Variants in SLC26A7 observed in about 807,000 individuals in gnomAD.
SLC26A7 encodes solute carrier family 26 member 7.
SLC26A7 carries 59 observed loss-of-function variants against 82.5 expected under a neutral mutation model. The observed-to-expected ratio is 0.72, with a 90% confidence interval of 0.58 to 0.89. The LOEUF is 0.89. SLC26A7 is among the 40% of genes least tolerant of loss of function. The probability of loss-of-function intolerance (pLI) is 0.00; values close to 1 mark genes in which losing one functional copy is unlikely to be tolerated. For synonymous variants in SLC26A7, 271 were observed against 274.3 expected (o/e 0.99, Z 0.12); for missense variants, 820 against 793.0 (o/e 1.03, Z -0.41).
chr8:91,225,290 C>G (rs1277215898), intron 2 of SLC26A7, among the ~76,000 whole-genome samples: 1 of 152,150 alleles, frequency 6.6e-6, no homozygotes, highest in Non-Finnish European at 1.5e-5. Context: ...GATGCTAGAT[C>G]CCAGTGGCAT....
intron 2 of SLC26A7, among the ~76,000 whole-genome samples, chr8:91,267,639 T>C (rs985858969): frequency 6.6e-6 from 1 of 151,856 alleles, no homozygotes; most frequent in Non-Finnish European, 1.5e-5. Context: ...ATTTGAGTTG[T>C]TTCTCCTTTC....
At chr8:91,219,949 C>T (rs746159515) in intron 2 of SLC26A7, among the ~76,000 whole-genome samples, 4 of 152,162 alleles carry the variant, frequency 2.6e-5, no homozygotes, top group South Asian at 2.1e-4. Context: ...CTTGTCACTA[C>T]GTATGGTCCT....
intron 2 of SLC26A7, among the ~76,000 whole-genome samples, chr8:91,255,906 G>A (rs964301120): frequency 7.9e-5 from 12 of 152,256 alleles, no homozygotes; most frequent in African/African-American, 2.9e-4. Context: ...TGAGTGTCAG[G>A]ATGAGATACG....
chr8:91,384,520 G>A (rs989662640), intron 15 of SLC26A7, among the ~76,000 whole-genome samples: 8 of 152,084 alleles, frequency 5.3e-5, no homozygotes, highest in Non-Finnish European at 7.4e-5. Flanking sequence ...ATTAAAATGC[G>A]TGCATCCTTA....
At chr8:91,352,220 A>G (rs1438392443) in intron 10 of SLC26A7, among the ~76,000 whole-genome samples, 1 of 152,144 alleles carries the variant, frequency 6.6e-6, no homozygotes, top group African/African-American at 2.4e-5. Flanking sequence ...TTAGAAAAAC[A>G]TATGTGCTGG....
rs565188686 is a variant in SLC26A7, at chr8:91,335,959, G to A, written c.795+1512G>A. On this transcript the variant is annotated intron_variant, in intron 6 of 18. Coordinates refer to ENST00000276609, the MANE Select transcript of SLC26A7 (RefSeq NM_052832.4). ...CCCACCTGCCAGGGGATTCATATGT[G>A]TATGTGTGGACACCTCCGTCCTCAC... Among the ~76,000 whole-genome samples, 4 of 152,182 alleles carry A rather than the reference G, an allele frequency of 2.6e-5. No homozygotes were observed. In the East Asian group the frequency reaches 7.7e-4, roughly 29 times the overall value.
chr8:91,385,174 C>T (rs1338105645), intron 15 of SLC26A7, among the ~76,000 whole-genome samples: 2 of 152,042 alleles, frequency 1.3e-5, no homozygotes, highest in African/African-American at 4.8e-5. Context: ...TCATTTACCA[C>T]ATTCCACATG....
At chr8:91,286,523 C>T (rs372626845) in intron 2 of SLC26A7, among the ~76,000 whole-genome samples, 19 of 152,310 alleles carry the variant, frequency 1.2e-4, no homozygotes, top group African/African-American at 4.6e-4. Context: ...TAGCCTAACA[C>T]TGTGTCTATT....
intron 2 of SLC26A7, among the ~76,000 whole-genome samples, chr8:91,243,962 A>T (rs571990852): frequency 1.3e-5 from 2 of 152,232 alleles, no homozygotes; most frequent in African/African-American, 4.8e-5. Flanking sequence ...TGAATAACTG[A>T]AGGAACTTAG....
chr8:91,309,572 G>A (rs1003774150), intron 4 of SLC26A7, among the ~76,000 whole-genome samples: 1 of 152,034 alleles, frequency 6.6e-6, no homozygotes, highest in Non-Finnish European at 1.5e-5. Context: ...GTGGGTACAG[G>A]TCTGCAGCAA....
chr8:91,318,268 C>G lies in SLC26A7; in HGVS notation c.530C>G (p.Pro177Arg). 6.2e-7 allele frequency: 1 copy of G among 1,610,328 alleles called. No homozygotes were observed. The highest frequency in any genetic ancestry group is 8.5e-7 in the Non-Finnish European group (1 of 1,177,972). The change falls in exon 5 of 19, where the codon CCT becomes CGT. Residue 177 changes from proline to arginine, a missense_variant. Pro to Arg is a moderately radical substitution (Grantham distance 103, BLOSUM62 -2). Coordinates refer to ENST00000276609, the MANE Select transcript of SLC26A7 (RefSeq NM_052832.4). ...AGTGCCACATTTGTGGTCACAGAGCCTGTGATCAGCGCAATGACAACTGGG... is the reference window on the plus strand; with the variant it reads ...AGTGCCACATTTGTGGTCACAGAGCGTGTGATCAGCGCAATGACAACTGGG... ...LGSATFVVTE[P>R]VISAMTTGAA...
intron 15 of SLC26A7, 86 bp from the exon 16 acceptor site, chr8:91,389,252 C>A: frequency 4.9e-6 from 4 of 820,838 alleles, no homozygotes; most frequent in Non-Finnish European, 8.2e-6. Context: ...AACATGAGGC[C>A]ACTGTTACCC....
intron 1 of SLC26A7, among the ~76,000 whole-genome samples, chr8:91,216,692 C>A (rs1472409544): frequency 6.6e-6 from 1 of 152,090 alleles, no homozygotes; most frequent in Non-Finnish European, 1.5e-5. Flanking sequence ...TCTCCAACCA[C>A]AATTTCATCA....
intron 2 of SLC26A7, among the ~76,000 whole-genome samples, chr8:91,276,505 G>A (rs536821441): frequency 2.0e-3 from 305 of 152,268 alleles, no homozygotes; most frequent in African/African-American, 6.8e-3. Flanking sequence ...ATAGGAGTAG[G>A]AGATGGTGTT....
intron 5 of SLC26A7, among the ~76,000 whole-genome samples, chr8:91,333,012 A>T (rs1234616298): frequency 1.3e-5 from 2 of 152,108 alleles, no homozygotes; most frequent in Non-Finnish European, 2.9e-5. Context: ...GAGTTTCCTT[A>T]TATCAAACAT....
intron 11 of SLC26A7, among the ~76,000 whole-genome samples, chr8:91,361,858 A>C (rs967768373): frequency 6.6e-6 from 1 of 152,158 alleles, no homozygotes; most frequent in Non-Finnish European, 1.5e-5. Context: ...TGGCACTGGC[A>C]GTGTTGTTTG....
intron 5 of SLC26A7, among the ~76,000 whole-genome samples, chr8:91,332,107 C>T (rs1813097246): frequency 1.3e-5 from 2 of 148,658 alleles, no homozygotes; most frequent in Admixed American, 1.4e-4. Context: ...GATAATGCAA[C>T]TGTTATATTT....
chr8:91,213,298 T>A (rs1304807762), intron 1 of SLC26A7, among the ~76,000 whole-genome samples: 1 of 152,152 alleles, frequency 6.6e-6, no homozygotes, highest in Non-Finnish European at 1.5e-5. Context: ...TAATGTGTCG[T>A]CTAAGCCAAG....
chr8:91,349,224 C>T (rs569422511), intron 9 of SLC26A7, among the ~76,000 whole-genome samples: 12 of 149,172 alleles, frequency 8.0e-5, no homozygotes, highest in African/African-American at 1.9e-4. Context: ...GCAAGTGCGT[C>T]AAGGGAGCTA....
Sources: gnomAD v4.1 joint callset for allele counts (sites outside exome capture counted in the v4.1 genomes callset) on GRCh38, gnomAD v4.1.1 for gene constraint, MANE v1.5 for transcripts, NCBI Gene and HGNC (gene_info 2026-07-23, HGNC 2026-07-21) for gene names.